AGFG1: variants seen among roughly 807,000 people sequenced by gnomAD.
AGFG1 encodes ArfGAP with FG repeats 1, also known as arf-GAP domain and FG repeat-containing protein 1.
Under a neutral mutation model 60.6 loss-of-function variants are expected in AGFG1, and 10 were observed. That is an observed-to-expected ratio of 0.16 (90% CI 0.10 to 0.28). AGFG1 has a LOEUF of 0.28. AGFG1 is among the 10% of genes least tolerant of loss of function. The pLI is 1.00. For synonymous variants in AGFG1, 247 were observed against 242.9 expected (o/e 1.02, Z -0.16); for missense variants, 537 against 676.5 (o/e 0.79, Z 2.29).
intron 6 of AGFG1, chr2:227,532,135 C>T: frequency 2.0e-6 from 3 of 1,537,904 alleles, no homozygotes; most frequent in Non-Finnish European, 2.6e-6. Flanking sequence ...TCTGGCTGTC[C>T]AGCATTTAGA....
intron 2 of AGFG1, among the ~76,000 whole-genome samples, chr2:227,507,090 A>G (rs1027108322): frequency 6.6e-6 from 1 of 152,126 alleles, no homozygotes; most frequent in Non-Finnish European, 1.5e-5. Context: ...TAAAATGGTG[A>G]TAGTCTAACT....
At chr2:227,472,917 C>T (rs1055786973) in intron 1 of AGFG1, among the ~76,000 whole-genome samples, 29 of 151,542 alleles carry the variant, frequency 1.9e-4, no homozygotes, top group African/African-American at 7.0e-4. Flanking sequence ...GAGCCTGCGG[C>T]CGCCGCCCTC....
At chr2:227,484,906 C>T (rs911868593) in intron 1 of AGFG1, among the ~76,000 whole-genome samples, 4 of 151,634 alleles carry the variant, frequency 2.6e-5, no homozygotes, top group African/African-American at 9.7e-5. Context: ...GATGGGGTTT[C>T]ACCATGTTAG....
intron 1 of AGFG1, among the ~76,000 whole-genome samples, chr2:227,489,571 G>C (rs145030689): frequency 2.0e-5 from 3 of 152,122 alleles, no homozygotes; most frequent in African/African-American, 7.2e-5. Flanking sequence ...AGTTCTTCTT[G>C]TTCAGCCTTT....
chr2:227,501,656 T>C (rs1210367893), intron 2 of AGFG1, among the ~76,000 whole-genome samples: 1 of 152,028 alleles, frequency 6.6e-6, no homozygotes, highest in South Asian at 2.1e-4. Flanking sequence ...GGATCACGGC[T>C]TACTGCAGCC....
At chr2:227,546,283 T>C (rs1044277260) in intron 10 of AGFG1, among the ~76,000 whole-genome samples, 1 of 152,234 alleles carries the variant, frequency 6.6e-6, no homozygotes, top group Non-Finnish European at 1.5e-5. Context: ...GTGTGGGACC[T>C]GCTGAGCCAG....
chr2:227,507,748 A>G (rs528967800), intron 2 of AGFG1, among the ~76,000 whole-genome samples: 117 of 152,040 alleles, frequency 7.7e-4, no homozygotes, highest in Non-Finnish European at 1.3e-3. Flanking sequence ...TATAAATATC[A>G]GTAGATATGG....
Position 227,558,560 on chromosome 2 carries a change from A to G in AGFG1, c.*4065A>G, listed in dbSNP as rs1693045591. On this transcript the variant is annotated 3_prime_UTR_variant, in exon 13 of 13. Transcript: ENST00000310078. ...TTTAAAATTTATTTTTTAAAAGGTG[A>G]TATTAAAATTTGTATTTAACCTGTT... 6.6e-6 allele frequency: 1 copy of G among 152,138 alleles called. No individual in the cohort carries two copies. Among genetic ancestry groups the G allele is most frequent in the Non-Finnish European group, 1.5e-5 (1 of 68,016 alleles). 9.4% of individuals were successfully genotyped at this position (152,138 alleles called of 1,614,324 possible).
At chr2:227,497,724 TTTC>T (rs1691018138) in intron 2 of AGFG1, among the ~76,000 whole-genome samples, 2 of 124,316 alleles carry the variant, frequency 1.6e-5, no homozygotes. Flanking sequence ...AATGAGTTTC[TTTC>T]TTGTTTTGTT....
intron 2 of AGFG1, among the ~76,000 whole-genome samples, chr2:227,502,991 G>A (rs527328190): frequency 1.5e-4 from 23 of 152,108 alleles, no homozygotes; most frequent in Non-Finnish European, 3.2e-4. Flanking sequence ...CTAGCACTTT[G>A]GGAGGCAGAG....
intron 10 of AGFG1, among the ~76,000 whole-genome samples, chr2:227,541,939 T>A (rs1219006335): frequency 6.6e-6 from 1 of 152,224 alleles, no homozygotes; most frequent in Non-Finnish European, 1.5e-5. Flanking sequence ...TTCCTAAGTA[T>A]TTTATTCTCT....
At chr2:227,477,484 A>AC (rs1242833080) in intron 1 of AGFG1, among the ~76,000 whole-genome samples, 1 of 152,218 alleles carries the variant, frequency 6.6e-6, no homozygotes, top group African/African-American at 2.4e-5. Flanking sequence ...TGCTGATTCC[A>AC]CCACCAAAGA....
chr2:227,491,046 T>C (rs1052694149), intron 1 of AGFG1, among the ~76,000 whole-genome samples: 1 of 152,208 alleles, frequency 6.6e-6, no homozygotes, highest in Non-Finnish European at 1.5e-5. Context: ...TACTAATTGG[T>C]TTATTACCTC....
At chr2:227,517,879 ATACT>A (rs1266309267) in intron 2 of AGFG1, among the ~76,000 whole-genome samples, 2 of 152,242 alleles carry the variant, frequency 1.3e-5, no homozygotes, top group African/African-American at 4.8e-5. Flanking sequence ...TAACGTGTAC[ATACT>A]TAAAGTGTAC....
chr2:227,535,517 T>A (rs1245338727), intron 8 of AGFG1, among the ~76,000 whole-genome samples: 1 of 152,226 alleles, frequency 6.6e-6, no homozygotes, highest in Non-Finnish European at 1.5e-5. Context: ...GCTGTTATGT[T>A]CATATATATC....
At chr2:227,533,964 T>A (rs1559192325) in intron 7 of AGFG1, among the ~76,000 whole-genome samples, 1 of 152,216 alleles carries the variant, frequency 6.6e-6, no homozygotes, top group Non-Finnish European at 1.5e-5. Flanking sequence ...GGGACTGATT[T>A]GTAAACTTTC....
chr2:227,488,087 TGA>T (rs770900493), intron 1 of AGFG1, among the ~76,000 whole-genome samples: 13 of 152,238 alleles, frequency 8.5e-5, no homozygotes, highest in African/African-American at 3.1e-4. Context: ...TTGAGTGTAC[TGA>T]GAGAGCTCAT....
At chr2:227,532,109 C>A in intron 6 of AGFG1, 2 of 1,505,864 alleles carry the variant, frequency 1.3e-6, no homozygotes, top group Non-Finnish European at 1.8e-6. Flanking sequence ...CTTTAACTTT[C>A]ATCATTTACA....
In AGFG1 at chr2:227,472,518, G is replaced by C. The variant is rs1690122643; in HGVS notation, c.97G>C (p.Asp33His). The C allele has an allele frequency of 6.3e-7, 1 of 1,582,506 alleles. No homozygotes were observed. Among genetic ancestry groups the C allele is most frequent in the Non-Finnish European group, 8.6e-7 (1 of 1,164,406 alleles). Reference sequence around the variant, plus strand: ...GCACAACCGAAAGTGCTTCGACTGCGACCAGCGCGGCCCCACCTACGTTAA... The same window carrying C: ...GCACAACCGAAAGTGCTTCGACTGCCACCAGCGCGGCCCCACCTACGTTAA... The part of the protein sequence containing the change: ...LPHNRKCFDC[D>H]QRGPTYVNMT... Residue 33 changes from aspartate to histidine, a missense_variant, in exon 1 of 13, where the codon GAC becomes CAC. Asp to His is a moderately conservative substitution (Grantham distance 81). Coordinates refer to ENST00000310078, the MANE Select transcript of AGFG1 (RefSeq NM_004504.5).
Sources: gnomAD v4.1 joint callset for allele counts (sites outside exome capture counted in the v4.1 genomes callset) on GRCh38, gnomAD v4.1.1 for gene constraint, MANE v1.5 for transcripts, NCBI Gene and HGNC (gene_info 2026-07-23, HGNC 2026-07-21) for gene names.